ARNT2: variants seen among roughly 807,000 people sequenced by gnomAD.
ARNT2 encodes the protein aryl hydrocarbon receptor nuclear translocator 2.
A neutral mutation model predicts 91.7 loss-of-function variants in ARNT2; 36 were observed. The ratio of observed to expected loss-of-function variants is 0.39; its 90% confidence interval spans 0.30 to 0.52. The LOEUF is 0.52. Ranked by LOEUF, ARNT2 falls within the 20% of genes least tolerant of loss-of-function variation. The pLI is 0.72. For synonymous variants in ARNT2, 365 were observed against 347.1 expected, an observed-to-expected ratio of 1.05 and a Z score of -0.57; for missense variants, 775 against 939.3, an observed-to-expected ratio of 0.83 and a Z score of 2.29.
At chr15:80,427,321 C>A (rs540962173) in intron 1 of ARNT2, among the ~76,000 whole-genome samples, 1 of 152,248 alleles carries the variant, frequency 6.6e-6, no homozygotes, top group South Asian at 2.1e-4. Context: ...TGTTGAGATG[C>A]ATTTTAAGAT....
Position 80,457,943 on chromosome 15 carries a change from A to T in ARNT2, c.161A>T (p.Asp54Val). 6.2e-7 allele frequency: 1 copy of T among 1,614,044 alleles called. No homozygotes were observed. ...GKRRSGMDFD[D>V]EDGEGPSKFS... ...TGACTTTTCAGAATGGACTTCGATG[A>T]TGAAGATGGTGAAGGCCCCAGTAAA... is the stretch of plus-strand genomic sequence containing the variant. Residue 54 changes from aspartate (D) to valine (V), a missense_variant, in exon 3 of 19, where the codon GAT becomes GTT. Coordinates refer to ENST00000303329, the MANE Select transcript of ARNT2 (RefSeq NM_014862.4).
At chr15:80,512,069 G>A (rs1023401330) in intron 6 of ARNT2, among the ~76,000 whole-genome samples, 8 of 152,156 alleles carry the variant, frequency 5.3e-5, no homozygotes, top group South Asian at 4.1e-4. Context: ...CGTCCGTTGC[G>A]TACTATGAAT....
At chr15:80,580,265 G>A (rs1049798439) in intron 15 of ARNT2, 146 bp from the exon 16 acceptor site, 15 of 1,057,002 alleles carry the variant, frequency 1.4e-5, no homozygotes, top group South Asian at 7.1e-5. Flanking sequence ...TGAGGCTCAC[G>A]ATGTGTGAGT....
intron 5 of ARNT2, among the ~76,000 whole-genome samples, chr15:80,477,278 G>A (rs1055981568): frequency 2.6e-5 from 4 of 152,168 alleles, no homozygotes; most frequent in African/African-American, 9.7e-5. Flanking sequence ...CTAGAGGCTG[G>A]GAAGTCCAAG....
intron 15 of ARNT2, among the ~76,000 whole-genome samples, chr15:80,577,370 G>T (rs115128778): frequency 0.022 from 3,387 of 152,332 alleles, 130 homozygotes; most frequent in African/African-American, 0.076. Flanking sequence ...AGCCCACCAC[G>T]TCTGAGCCTC....
chr15:80,436,292 G>A (rs1229191610), intron 1 of ARNT2: 1 of 154,388 alleles, frequency 6.5e-6, no homozygotes, highest in Non-Finnish European at 1.5e-5. Flanking sequence ...TCTCAAAGAA[G>A]GCGACAAGGA....
At chr15:80,460,498 C>T (rs997978064) in intron 3 of ARNT2, among the ~76,000 whole-genome samples, 2 of 152,334 alleles carry the variant, frequency 1.3e-5, no homozygotes, top group Non-Finnish European at 1.5e-5. Context: ...TCCAGGATCC[C>T]GCCTGCCAGT....
intron 8 of ARNT2, among the ~76,000 whole-genome samples, chr15:80,528,372 A>C (rs1566994092): frequency 6.8e-6 from 1 of 147,142 alleles, no homozygotes; most frequent in East Asian, 2.0e-4. Flanking sequence ...CCATTTATCT[A>C]TCTATCTATC....
At chr15:80,409,370 G>A (rs565542832) in intron 1 of ARNT2, among the ~76,000 whole-genome samples, 3 of 151,756 alleles carry the variant, frequency 2.0e-5, no homozygotes, top group African/African-American at 4.9e-5. Context: ...TTAATAATAT[G>A]CATTTACATT....
intron 8 of ARNT2, among the ~76,000 whole-genome samples, chr15:80,533,405 A>G (rs938194663): frequency 6.6e-6 from 1 of 152,152 alleles, no homozygotes. Flanking sequence ...GGCAAATTTT[A>G]AAAGTCATGG....
intron 3 of ARNT2, among the ~76,000 whole-genome samples, chr15:80,465,227 C>T (rs995562138): frequency 1.2e-4 from 19 of 152,140 alleles, no homozygotes; most frequent in African/African-American, 3.9e-4. Context: ...GGAAAAAACT[C>T]CTGGTGTCTG....
intron 6 of ARNT2, among the ~76,000 whole-genome samples, chr15:80,509,420 T>C (rs1183017129): frequency 6.6e-6 from 1 of 151,798 alleles, no homozygotes; most frequent in Non-Finnish European, 1.5e-5. Context: ...CCAGCCTGGG[T>C]AACAGAGTGA....
In ARNT2 at chr15:80,427,401, G is replaced by T. The variant is rs549473991; in HGVS notation, c.31+22855G>T. The stretch of plus-strand genomic sequence containing the variant: ...CTGCTCTATTTTGAGCATGAGGGCC[G>T]TTCTTGGTATGGTACCTAATATACA... On this transcript the variant is annotated intron_variant, in intron 1 of 18. Transcript: ENST00000303329. Among the ~76,000 whole-genome samples the T allele has an allele frequency of 2.6e-5, 4 of 152,262 alleles. No homozygotes were observed. The South Asian group carries it at 8.3e-4, about 32-fold the overall frequency.
chr15:80,539,153 G>A (rs937717161), intron 8 of ARNT2, among the ~76,000 whole-genome samples: 3 of 152,070 alleles, frequency 2.0e-5, no homozygotes, highest in African/African-American at 7.2e-5. Flanking sequence ...TCCAGAGCAT[G>A]AGAAAAGTTA....
intron 8 of ARNT2, among the ~76,000 whole-genome samples, chr15:80,526,197 G>A (rs1897637489): frequency 6.6e-6 from 1 of 152,102 alleles, no homozygotes; most frequent in African/African-American, 2.4e-5. Context: ...TACTGAATAG[G>A]TTTCATTTAA....
In ARNT2 at chr15:80,594,355, T is replaced by C. The variant is rs1053993141; in HGVS notation, c.*657T>C. 2.6e-5 allele frequency: 4 copies of C among 152,470 alleles called. No individual in the cohort carries two copies. Among genetic ancestry groups the C allele is most frequent in the African/African-American group, 7.2e-5 (3 of 41,454 alleles). 9.4% of individuals were successfully genotyped at this position (152,470 alleles called of 1,614,324 possible). ...GTCATGTGTGGCCAGCGTGATTGTA[T>C]AGAATCCAGAGTATGTAGAGAGCCA... On this transcript the variant is annotated 3_prime_UTR_variant, in exon 19 of 19. Coordinates refer to ENST00000303329, the MANE Select transcript of ARNT2 (RefSeq NM_014862.4).
intron 17 of ARNT2, among the ~76,000 whole-genome samples, chr15:80,585,921 C>T (rs922592235): frequency 6.6e-6 from 1 of 152,216 alleles, no homozygotes; most frequent in Non-Finnish European, 1.5e-5. Flanking sequence ...CTGAGAAAGC[C>T]TAACGCTGCA....
chr15:80,419,996 G>C (rs1895839184), intron 1 of ARNT2, among the ~76,000 whole-genome samples: 1 of 152,116 alleles, frequency 6.6e-6, no homozygotes, highest in Non-Finnish European at 1.5e-5. Flanking sequence ...GGCAATGGGA[G>C]GATAGGCTGC....
chr15:80,424,622 C>G (rs1257179064), intron 1 of ARNT2, among the ~76,000 whole-genome samples: 1 of 152,126 alleles, frequency 6.6e-6, no homozygotes, highest in Non-Finnish European at 1.5e-5. Context: ...CTGTAATCAT[C>G]AAATAAAAAA....
Sources: gnomAD v4.1 joint callset for allele counts (sites outside exome capture counted in the v4.1 genomes callset) on GRCh38, gnomAD v4.1.1 for gene constraint, MANE v1.5 for transcripts, NCBI Gene and HGNC (gene_info 2026-07-23, HGNC 2026-07-21) for gene names.